OR1S2: variants seen among roughly 807,000 people sequenced by gnomAD.
OR1S2 encodes the protein olfactory receptor 1S2.
OR1S2 carries 1 observed loss-of-function variant against 1.7 expected under a neutral mutation model. The ratio of observed to expected loss-of-function variants is 0.59; its 90% CI spans 0.21 to 2.81. OR1S2 has a LOEUF of 2.81. Among genes scored for constraint, OR1S2 ranks in the 30% most tolerant of loss-of-function variants. OR1S2 has a pLI of 0.22. For missense variants in OR1S2, 391 were observed against 371.6 expected, an observed-to-expected ratio of 1.05 and a Z score of -0.43; for synonymous variants, 157 against 145.3, an observed-to-expected ratio of 1.08 and a Z score of -0.58.
Position 58,203,387 on chromosome 11 carries a change from G to C in OR1S2, c.756C>G (p.Tyr252Ter). 6.2e-7 allele frequency: 1 copy of C among 1,613,994 alleles called. No individual in the cohort carries two copies. The highest frequency in any genetic ancestry group is 8.5e-7 in the Non-Finnish European group (1 of 1,179,942). The change falls in exon 1 of 1, where the codon TAC (tyrosine) becomes TAG (stop). Residue 252 changes from tyrosine (Y) to a stop codon, truncating the protein, a stop_gained. Transcript: ENST00000641683. LOFTEE classifies it high-confidence loss of function. ...AAAAGTACACGCCTACAGTGGTTCC[G>C]TAGAACAGTAATGCAATTGTCAGGT...
At chr11:58,204,045 C>T in exon 1 of OR1S2, 1 of 1,613,968 alleles carries the variant, frequency 6.2e-7, no homozygotes. Flanking sequence ...CACATACATA[C>T]TCAGGAAAAG....
exon 1 of OR1S2, chr11:58,203,667 T>C (rs757977021): frequency 6.2e-7 from 1 of 1,613,918 alleles, no homozygotes; most frequent in Non-Finnish European, 8.5e-7. Flanking sequence ...CAGAAGGGTG[T>C]GTGTAAGAGC....
At chr11:58,203,509 C>T (rs11229278) in exon 1 of OR1S2, 156,843 of 1,550,790 alleles carry the variant, frequency 0.1, 8,279 homozygotes, top group South Asian at 0.14. Context: ...AAGATGAGTA[C>T]AAAGGGGAAG....
exon 1 of OR1S2, chr11:58,203,645 C>T: frequency 3.1e-6 from 5 of 1,614,080 alleles, no homozygotes; most frequent in Non-Finnish European, 4.2e-6. Context: ...CACAGAAGAG[C>T]AATTGAATGA....
exon 1 of OR1S2, chr11:58,203,805 A>G: frequency 6.2e-7 from 1 of 1,614,152 alleles, no homozygotes; most frequent in African/African-American, 1.3e-5. Context: ...CCCCAAAAGC[A>G]AATTGTCAGT....
Position 58,204,085 on chromosome 11 carries a change from G to C in OR1S2, c.58C>G (p.Gln20Glu), listed in dbSNP as rs1854883324. The stretch of plus-strand genomic sequence containing the variant: ...AAGAGGAGGTTTTGATGTTCAGCCT[G>C]GTTGGAGAGTCCCAGGAGAATGAAT... Residue 20 changes from glutamine (Q) to glutamate (E), a missense_variant, in exon 1 of 1, where the codon CAG becomes GAG. Physicochemically the swap from Gln to Glu is conservative, Grantham distance 29. Transcript: ENST00000641683. 11 of 1,613,990 alleles carry C rather than the reference G, an allele frequency of 6.8e-6. No individual in the cohort carries two copies. The highest frequency in any genetic ancestry group is 9.3e-6 in the Non-Finnish European group (11 of 1,179,920).
chr11:58,203,798 C>G (rs1252853829), exon 1 of OR1S2: 1 of 1,613,960 alleles, frequency 6.2e-7, no homozygotes, highest in African/African-American at 1.3e-5. Flanking sequence ...CCATGGTCCC[C>G]AAAAGCAAAT....
At chr11:58,204,138 T>G in exon 1 of OR1S2, 2 of 1,613,896 alleles carry the variant, frequency 1.2e-6, no homozygotes, top group Non-Finnish European at 1.7e-6. Flanking sequence ...GTTTTCTTGA[T>G]GCATATTTCT....
At chr11:58,203,245 C>A in exon 1 of OR1S2, 1 of 1,612,776 alleles carries the variant, frequency 6.2e-7, no homozygotes, top group Non-Finnish European at 8.5e-7. Flanking sequence ...TTTCTCAGGG[C>A]ACCTTTCATA....
exon 1 of OR1S2, chr11:58,203,420 A>G: frequency 2.5e-6 from 4 of 1,614,050 alleles, no homozygotes; most frequent in Non-Finnish European, 3.4e-6. Context: ...GGTGAGAGCC[A>G]CAAGTGGAGA....
exon 1 of OR1S2, chr11:58,203,817 A>G: frequency 1.9e-6 from 3 of 1,614,126 alleles, no homozygotes; most frequent in Non-Finnish European, 2.5e-6. Context: ...ATTGTCAGTG[A>G]CGACAAACAC....
At chr11:58,203,998 T>C (rs750657128) in exon 1 of OR1S2, 1 of 1,614,056 alleles carries the variant, frequency 6.2e-7, no homozygotes, top group Non-Finnish European at 8.5e-7. Flanking sequence ...TCCAAGCTGA[T>C]AGCCACAATG....
At chr11:58,203,374 C>T (rs746827744) in exon 1 of OR1S2, 3 of 1,613,980 alleles carry the variant, frequency 1.9e-6, no homozygotes, top group South Asian at 1.1e-5. Flanking sequence ...AAGTACACGC[C>T]TACAGTGGTT....
Position 58,203,671 on chromosome 11 carries a change from TA to T in OR1S2, c.471del (p.Thr158HisfsTer36). 1 of 1,614,048 alleles carries T rather than the reference TA, an allele frequency of 6.2e-7. No individual in the cohort carries two copies. The highest frequency in any genetic ancestry group is 8.5e-7 in the Non-Finnish European group (1 of 1,179,990). On this transcript the variant is annotated frameshift_variant, in exon 1 of 1. Transcript: ENST00000641683. LOFTEE classifies it low-confidence loss of function (END_TRUNC). ...AATTGAATGAGCAGAAGGGTGTGTG[TA>T]AGAGCAATAATATTACTGAGGAACC...
exon 1 of OR1S2, chr11:58,203,967 A>T: frequency 6.2e-7 from 1 of 1,614,098 alleles, no homozygotes; most frequent in Non-Finnish European, 8.5e-7. Context: ...GAAGAGATAC[A>T]TGGGGGTGTG....
chr11:58,204,023 A>G, exon 1 of OR1S2: 1 of 1,614,062 alleles, frequency 6.2e-7, no homozygotes. Flanking sequence ...GCCCGTTCCC[A>G]ACCACAGTGA....
Position 58,203,823 on chromosome 11 carries a change from AAC to A in OR1S2, c.318_319del (p.Phe107CysfsTer4), listed in dbSNP as rs1854878689. The A allele has an allele frequency of 6.2e-7, 1 of 1,614,024 alleles. No homozygotes were observed. The highest frequency in any genetic ancestry group is 1.1e-5 in the South Asian group (1 of 91,086). On this transcript the variant is annotated frameshift_variant, in exon 1 of 1. Coordinates refer to ENST00000641683, the Ensembl canonical transcript of OR1S2. LOFTEE classifies it low-confidence loss of function (END_TRUNC). ...CAAAAGCAAATTGTCAGTGACGACA[AAC>A]ACAATAGAAAAGTACATCTGTGTGA...
At chr11:58,203,542 T>C (rs1255583274) in exon 1 of OR1S2, 2 of 1,613,912 alleles carry the variant, frequency 1.2e-6, no homozygotes, top group Non-Finnish European at 1.7e-6. Flanking sequence ...AAACCCACAA[T>C]AAACAACACA....
At chr11:58,203,350 T>C (rs760930875) in exon 1 of OR1S2, 1 of 1,613,384 alleles carries the variant, frequency 6.2e-7, no homozygotes, top group African/African-American at 1.3e-5. Flanking sequence ...TCAGGGTGAG[T>C]GGAGGAGGGG....
Sources: gnomAD v4.1 joint callset for allele counts on GRCh38, gnomAD v4.1.1 for gene constraint, MANE v1.5 for transcripts, NCBI Gene and HGNC (gene_info 2026-07-23, HGNC 2026-07-21) for gene names.